PDE7B: variants seen among roughly 807,000 people sequenced by gnomAD.
PDE7B encodes the protein 3',5'-cyclic-AMP phosphodiesterase 7B.
A neutral mutation model predicts 56.2 loss-of-function variants in PDE7B; 29 were observed. The ratio of observed to expected loss-of-function variants is 0.52; its 90% CI spans 0.38 to 0.70. PDE7B has a LOEUF of 0.70. PDE7B is among the 30% of genes least tolerant of loss of function. The pLI is 0.00. For missense variants in PDE7B, 490 were observed against 565.0 expected, an observed-to-expected ratio of 0.87 and a Z score of 1.35; for synonymous variants, 197 against 196.9, an observed-to-expected ratio of 1.00 and a Z score of 0.00.
rs1403740920 is a variant in PDE7B, at chr6:136,193,860, A to G, written c.*2020A>G. ...GGTTGTATTTTCATTGAAGTAGGAG[A>G]GATTATCAGATGGTGCTAAAGAAAG... On this transcript the variant is annotated 3_prime_UTR_variant, in exon 13 of 13. Transcript: ENST00000308191. 1 of 152,220 alleles carries G rather than the reference A, an allele frequency of 6.6e-6. No homozygotes were observed. Among genetic ancestry groups the G allele is most frequent in the Non-Finnish European group, 1.5e-5 (1 of 68,044 alleles). The allele number at this position is 152,220 out of a possible 1,614,324, so 9.4% of individuals were successfully genotyped here. A position where few individuals can be genotyped will look rare whatever the true frequency, so the allele number is the denominator to read the frequency against.
intron 2 of PDE7B, among the ~76,000 whole-genome samples, chr6:135,984,038 T>G (rs866316378): frequency 6.6e-6 from 1 of 152,252 alleles, no homozygotes; most frequent in African/African-American, 2.4e-5. Flanking sequence ...TGGTCCATCT[T>G]TCTTCAGGAC....
At position 135,851,927 on chromosome 6, in the gene PDE7B, T is replaced by C; in HGVS notation, c.-72T>C. On this transcript the variant is annotated 5_prime_UTR_variant, in exon 1 of 13. Transcript: ENST00000308191. Reference sequence around the variant, plus strand: ...AAGTTGCTGGATTCTGCAGCACAAGTCTTCATGAACAAGCAGCACCGCTCA... The same window carrying C: ...AAGTTGCTGGATTCTGCAGCACAAGCCTTCATGAACAAGCAGCACCGCTCA... 9.4e-7 allele frequency: 1 copy of C among 1,061,826 alleles called. No homozygotes were observed. Among genetic ancestry groups the C allele is most frequent in the East Asian group, 2.4e-5 (1 of 42,402 alleles). The allele number at this position is 1,061,826 out of a possible 1,614,324, so 65.8% of individuals were successfully genotyped here. A position where few individuals can be genotyped will look rare whatever the true frequency, so the allele number is the denominator to read the frequency against.
chr6:135,922,708 A>C (rs73775615), intron 1 of PDE7B, among the ~76,000 whole-genome samples: 1,732 of 152,308 alleles, frequency 0.011, 32 homozygotes, highest in African/African-American at 0.039. Context: ...AATCAATCAC[A>C]CATGGAGAAA....
intron 2 of PDE7B, chr6:136,049,276 T>C: frequency 6.6e-6 from 1 of 152,436 alleles, no homozygotes; most frequent in South Asian, 2.0e-4. Context: ...CTAATTTTTT[T>C]ATTTTTGTAG....
chr6:135,929,775 G>T (rs1273702299), intron 1 of PDE7B, among the ~76,000 whole-genome samples: 1 of 152,156 alleles, frequency 6.6e-6, no homozygotes, highest in Admixed American at 6.5e-5. Flanking sequence ...AGAGGCATTT[G>T]ACAGAACAGT....
At chr6:135,925,111 T>A (rs951052027) in intron 1 of PDE7B, among the ~76,000 whole-genome samples, 1 of 151,802 alleles carries the variant, frequency 6.6e-6, no homozygotes, top group Non-Finnish European at 1.5e-5. Flanking sequence ...ATTATTCAAT[T>A]AAACTGAAAC....
At chr6:135,882,591 AC>A (rs1252456573) in intron 1 of PDE7B, among the ~76,000 whole-genome samples, 1 of 152,192 alleles carries the variant, frequency 6.6e-6, no homozygotes, top group Non-Finnish European at 1.5e-5. Context: ...GGATTACAGG[AC>A]TTTTTCCCTT....
intron 2 of PDE7B, among the ~76,000 whole-genome samples, chr6:136,104,414 T>C (rs533563250): frequency 6.6e-6 from 1 of 152,226 alleles, no homozygotes; most frequent in East Asian, 1.9e-4. Flanking sequence ...AATAGATGAT[T>C]GCCTGAGACC....
intron 2 of PDE7B, among the ~76,000 whole-genome samples, chr6:135,981,838 A>G (rs900859112): frequency 6.6e-6 from 1 of 151,766 alleles, no homozygotes; most frequent in Middle Eastern, 3.2e-3. Flanking sequence ...CACCAATAAC[A>G]TAGTTGTTTA....
At chr6:135,945,461 T>C (rs1427177916) in intron 1 of PDE7B, among the ~76,000 whole-genome samples, 1 of 146,034 alleles carries the variant, frequency 6.8e-6, no homozygotes, top group Non-Finnish European at 1.5e-5. Flanking sequence ...TTTCTTTTCA[T>C]ATCACTGAAC....
intron 1 of PDE7B, among the ~76,000 whole-genome samples, chr6:135,946,039 A>G (rs947664037): frequency 5.3e-5 from 8 of 152,068 alleles, no homozygotes; most frequent in African/African-American, 1.7e-4. Context: ...CCCCTACCCT[A>G]AATTTGATGC....
At chr6:136,165,453 T>A (rs1778777536) in intron 8 of PDE7B, 1 of 152,160 alleles carries the variant, frequency 6.6e-6, no homozygotes, top group African/African-American at 2.4e-5. Context: ...GGAGACAAAT[T>A]AACTTTAAAT....
At chr6:136,130,830 G>A (rs184375574) in intron 3 of PDE7B, among the ~76,000 whole-genome samples, 3 of 152,304 alleles carry the variant, frequency 2.0e-5, no homozygotes, top group Admixed American at 2.0e-4. Flanking sequence ...TGAAAGGCAT[G>A]TCTTACATGG....
intron 2 of PDE7B, among the ~76,000 whole-genome samples, chr6:135,996,987 C>G (rs1392269236): frequency 6.6e-6 from 1 of 152,108 alleles, no homozygotes; most frequent in Non-Finnish European, 1.5e-5. Flanking sequence ...ACACTGAGAC[C>G]ATCATCCACT....
At chr6:136,022,619 T>C (rs143523170) in intron 2 of PDE7B, among the ~76,000 whole-genome samples, 2 of 152,354 alleles carry the variant, frequency 1.3e-5, no homozygotes, top group Admixed American at 1.3e-4. Context: ...ATTTTTCTCA[T>C]CTTTGTGCCT....
intron 5 of PDE7B, among the ~76,000 whole-genome samples, chr6:136,149,385 C>G (rs2128447058): frequency 6.6e-6 from 1 of 152,276 alleles, no homozygotes; most frequent in African/African-American, 2.4e-5. Context: ...TTGATCATCC[C>G]AGAGGAATTT....
In PDE7B at chr6:135,947,450, T is replaced by C. The variant is rs1195114165; in HGVS notation, c.22-14T>C. 6.2e-7 allele frequency: 1 copy of C among 1,600,880 alleles called. No individual in the cohort carries two copies. The highest frequency in any genetic ancestry group is 8.6e-7 in the Non-Finnish European group (1 of 1,168,236). ...TGAAATCTTAAAATAACCTTGGCTA[T>C]CTTTCTATTTCAGAGGTGTGGCGAA... is the stretch of plus-strand genomic sequence containing the variant. On this transcript the variant is annotated splice_polypyrimidine_tract_variant and intron_variant, in intron 1 of 12. Transcript: ENST00000308191.
chr6:135,908,203 C>G (rs111664727), intron 1 of PDE7B, among the ~76,000 whole-genome samples: 3,105 of 151,904 alleles, frequency 0.02, 101 homozygotes, highest in African/African-American at 0.071. Flanking sequence ...ATTCTCCTGC[C>G]TCAACCTCCT....
At chr6:136,068,857 A>G (rs923396764) in intron 2 of PDE7B, among the ~76,000 whole-genome samples, 1 of 152,224 alleles carries the variant, frequency 6.6e-6, no homozygotes, top group Admixed American at 6.5e-5. Flanking sequence ...CTGGATCAGA[A>G]AAAATACATA....
Sources: gnomAD v4.1 joint callset for allele counts (sites outside exome capture counted in the v4.1 genomes callset) on GRCh38, gnomAD v4.1.1 for gene constraint, MANE v1.5 for transcripts, NCBI Gene and HGNC (gene_info 2026-07-23, HGNC 2026-07-21) for gene names.